SPTAN1: variants seen among roughly 807,000 people sequenced by gnomAD.
SPTAN1 encodes spectrin alpha chain, non-erythrocytic 1.
SPTAN1 carries 61 observed loss-of-function variants against 331.3 expected under a neutral mutation model. The ratio of observed to expected loss-of-function variants is 0.18; its 90% CI spans 0.15 to 0.23. The LOEUF (loss-of-function observed/expected upper bound fraction) is 0.23, where lower values mean the gene tolerates loss of function less well. SPTAN1 is among the 10% of genes least tolerant of loss of function. SPTAN1 has a pLI of 1.00. For synonymous variants in SPTAN1, 1,153 were observed against 1,173.9 expected (o/e 0.98, Z 0.36); for missense variants, 2,043 against 3,147.9 (o/e 0.65, Z 8.40).
At chr9:128,581,262 G>C (rs771729069) in intron 11 of SPTAN1, among the ~76,000 whole-genome samples, 1 of 152,186 alleles carries the variant, frequency 6.6e-6, no homozygotes, top group Non-Finnish European at 1.5e-5. Context: ...AAAGGCCCCA[G>C]CTTTTCAGAT....
At chr9:128,590,712 G>C (rs758573213) in intron 21 of SPTAN1, among the ~76,000 whole-genome samples, 4 of 151,924 alleles carry the variant, frequency 2.6e-5, no homozygotes, top group Non-Finnish European at 5.9e-5. Context: ...TTAGCTGTGC[G>C]TGGTGGCGTG....
intron 24 of SPTAN1, among the ~76,000 whole-genome samples, chr9:128,594,825 A>AT (rs1854035387): frequency 5.8e-5 from 3 of 51,480 alleles, no homozygotes; most frequent in African/African-American, 8.8e-5. Flanking sequence ...TTTTTTTTTC[A>AT]ATTTTTTTTT....
intron 46 of SPTAN1, 106 bp from the exon 47 acceptor site, chr9:128,624,997 G>A (rs1262333071): frequency 4.6e-6 from 5 of 1,081,410 alleles, no homozygotes; most frequent in Non-Finnish European, 5.7e-6. Context: ...AGGAAGATTG[G>A]GATTTATCTG....
chr9:128,587,555 A>G, intron 19 of SPTAN1, 51 bp from the exon 20 acceptor site: 1 of 1,508,040 alleles, frequency 6.6e-7, no homozygotes, highest in African/African-American at 1.4e-5. Flanking sequence ...GCAGTGGAGG[A>G]TGGGAGGCTT....
chr9:128,627,831 CCTTT>C lies in SPTAN1; in HGVS notation c.6690-86_6690-83del, dbSNP rs1275151141. The C allele has an allele frequency of 2.8e-5, 41 of 1,490,044 alleles. No individual in the cohort carries two copies. The highest frequency in any genetic ancestry group is 4.2e-5 in the African/African-American group (3 of 72,288). The allele number at this position is 1,490,044 out of a possible 1,614,324, so 92.3% of individuals were successfully genotyped here. ...GTACTGATGTTCTTGCTTTTGTTTT[CCTTT>C]CTTTCTTGTGTCTTCTCTCTGTCCC... On this transcript the variant is annotated intron_variant, in intron 50 of 56. Coordinates refer to ENST00000372739, the MANE Select transcript of SPTAN1 (RefSeq NM_001130438.3). The surrounding 1 kb of genome is among the most constrained non-coding windows in gnomAD (Gnocchi z 4.9).
intron 1 of SPTAN1, among the ~76,000 whole-genome samples, chr9:128,557,449 C>T (rs1474207641): frequency 6.6e-6 from 1 of 152,188 alleles, no homozygotes; most frequent in Non-Finnish European, 1.5e-5. Flanking sequence ...ATGTTTGTAT[C>T]TGCAGTCTTT....
chr9:128,588,789 CCCTT>C lies in SPTAN1; in HGVS notation c.2872-15_2872-12del, dbSNP rs761819410. ...CGCGGACGTGTTTTTACCATGTTTG[CCCTT>C]CCTTTGGATTTTTAGCAACAAGTGG... is the stretch of plus-strand genomic sequence containing the variant. On this transcript the variant is annotated splice_polypyrimidine_tract_variant and intron_variant, in intron 20 of 56. Coordinates refer to ENST00000372739, the MANE Select transcript of SPTAN1 (RefSeq NM_001130438.3). 5 of 1,613,678 alleles carry C rather than the reference CCCTT, an allele frequency of 3.1e-6. No homozygotes were observed. Among genetic ancestry groups the C allele is most frequent in the Non-Finnish European group, 4.2e-6 (5 of 1,180,024 alleles).
In SPTAN1 at chr9:128,580,936, C is replaced by T. The variant is rs185614333; in HGVS notation, c.1338C>T (p.Ser446=). 1.9e-5 allele frequency: 31 copies of T among 1,613,238 alleles called. No homozygotes were observed. The East Asian group carries it at 3.1e-4, about 16-fold the overall frequency. ...ATGCCCCCAAGCTGACCGTCCTTTC[C>T]GAGGAGAGAGCGGCGCTGCTGGAGC... ...DEVREKLTVL[S]EERAALLELW... is the part of the protein sequence containing the mutation. The change falls in exon 11 of 57, where the codon TCC becomes TCT. Residue 446 remains serine, a synonymous_variant. Transcript: ENST00000372739.
rs1317264372 is a variant in SPTAN1, at chr9:128,598,492, T to A, written c.3507T>A (p.Ala1169=). 2 of 1,608,740 alleles carry A rather than the reference T, an allele frequency of 1.2e-6. No individual in the cohort carries two copies. The highest frequency in any genetic ancestry group is 1.7e-6 in the Non-Finnish European group (2 of 1,177,570). ...SEGLMAEEVQ[A]VQQQEVYGMM... ...GTCTCATGGCAGAGGAGGTGCAGGC[T>A]GTGCAACAACAGGTAGGTGTCTCCA... Residue 1169 remains alanine (A), a synonymous_variant, in exon 25 of 57, where the codon GCT becomes GCA. Transcript: ENST00000372739.
At chr9:128,557,282 G>A (rs950268864) in intron 1 of SPTAN1, among the ~76,000 whole-genome samples, 1 of 152,194 alleles carries the variant, frequency 6.6e-6, no homozygotes, top group Non-Finnish European at 1.5e-5. Context: ...TCAACTTGCT[G>A]AAAGAATGGC....
chr9:128,569,786 T>C (rs938047667), intron 3 of SPTAN1, among the ~76,000 whole-genome samples: 1 of 152,098 alleles, frequency 6.6e-6, no homozygotes, highest in Admixed American at 6.6e-5. Flanking sequence ...TTGATAACTG[T>C]GTGGAGGTTT....
intron 45 of SPTAN1, chr9:128,621,907 C>T (rs574420086): frequency 1.3e-5 from 2 of 159,624 alleles, no homozygotes; most frequent in African/African-American, 4.8e-5. Context: ...GTCGGGAATT[C>T]ACCAGCAATC....
chr9:128,574,892 A>C, intron 4 of SPTAN1, 77 bp downstream of exon 4: 1 of 1,602,136 alleles, frequency 6.2e-7, no homozygotes, highest in Non-Finnish European at 8.5e-7. Flanking sequence ...CTGTAGTGAG[A>C]CCCAGTGTTA....
At chr9:128,559,559 A>G (rs1849045858) in intron 1 of SPTAN1, among the ~76,000 whole-genome samples, 1 of 152,186 alleles carries the variant, frequency 6.6e-6, no homozygotes, top group African/African-American at 2.4e-5. Context: ...ATGTGTAACT[A>G]TGCCTTCCTT....
At position 128,581,829 on chromosome 9, in the gene SPTAN1, A is replaced by G. The variant is rs1404396533; in HGVS notation, c.1509A>G (p.Glu503=). 1 of 1,614,132 alleles carries G rather than the reference A, an allele frequency of 6.2e-7. No homozygotes were observed. Among genetic ancestry groups the G allele is most frequent in the Non-Finnish European group, 8.5e-7 (1 of 1,179,984 alleles). ...EDLGDSLDSV[E]ALLKKHEDFE... ...TGGGAGATTCCTTGGATAGTGTGGA[A>G]GCGCTTCTTAAGAAGCACGAAGACT... The change falls in exon 12 of 57, where the codon GAA becomes GAG. Residue 503 remains glutamate, a synonymous_variant. Transcript: ENST00000372739.
In SPTAN1 at chr9:128,583,178, A is replaced by G; in HGVS notation, c.1908A>G (p.Gln636=). 2 of 1,614,134 alleles carry G rather than the reference A, an allele frequency of 1.2e-6. No individual in the cohort carries two copies. The highest frequency in any genetic ancestry group is 1.7e-6 in the Non-Finnish European group (2 of 1,180,036). ...SRIDALEKAG[Q]KLIDVNHYAK... ...TTGATGCCTTGGAGAAAGCTGGCCA[A>G]AAGCTGATTGATGTCAACCACTATG... Residue 636 remains glutamine (Q), a synonymous_variant, in exon 15 of 57, where the codon CAA becomes CAG. Coordinates refer to ENST00000372739, the MANE Select transcript of SPTAN1 (RefSeq NM_001130438.3).
rs555199099 is a variant in SPTAN1 at position 128,566,166 on chromosome 9, C to T, written c.-3-572C>T. On this transcript the variant is annotated intron_variant, in intron 1 of 56. Transcript: ENST00000372739. ...TGAACTCCTGGGCTCAGGTGATCCT[C>T]CTGCCTTAGCCTCCTGAGTAGCTGG... Among the ~76,000 whole-genome samples, 5 of 152,312 alleles carry T rather than the reference C, an allele frequency of 3.3e-5. No individual in the cohort carries two copies. The South Asian group carries it at 8.3e-4, about 25-fold the overall frequency.
intron 1 of SPTAN1, among the ~76,000 whole-genome samples, chr9:128,562,113 T>C (rs1410493208): frequency 2.0e-5 from 3 of 152,118 alleles, no homozygotes; most frequent in Non-Finnish European, 2.9e-5. Context: ...GAGATCTGTA[T>C]GATTTGTTTT....
At position 128,612,083 on chromosome 9, in the gene SPTAN1, CT is replaced by C. The variant is rs764156958; in HGVS notation, c.4906-21del. On this transcript the variant is annotated intron_variant, in intron 38 of 56. Transcript: ENST00000372739. ...GGACGATTCTTCATAGATTTCATCT[CT>C]TTTTGGCTCCCTTCTGTTCCCCAGG... 9.3e-6 allele frequency: 15 copies of C among 1,613,960 alleles called. No homozygotes were observed. In the African/African-American group the frequency reaches 1.9e-4, roughly 20 times the overall value.
Sources: gnomAD v4.1 joint callset for allele counts (sites outside exome capture counted in the v4.1 genomes callset) on GRCh38, gnomAD v4.1.1 for gene constraint, Gnocchi (gnomAD v3.1) non-coding constraint, MANE v1.5 for transcripts, NCBI Gene and HGNC (gene_info 2026-07-23, HGNC 2026-07-21) for gene names.